The following ALG8 variants were observed in gnomAD, a reference collection of about 807,000 sequenced individuals.
ALG8 encodes ALG8 alpha-1,3-glucosyltransferase, also known as dolichyl pyrophosphate Glc1Man9GlcNAc2 alpha-1,3-glucosyltransferase.
ALG8 carries 48 observed loss-of-function variants against 70.2 expected under a neutral mutation model. That is an observed-to-expected ratio of 0.68 (90% CI 0.54 to 0.87). ALG8 has a LOEUF of 0.87. Among genes scored for constraint, ALG8 ranks in the 40% least tolerant of loss-of-function variants. The pLI, the probability that ALG8 is intolerant of heterozygous loss-of-function variation, is 0.00. For missense variants in ALG8, 572 were observed against 608.7 expected (o/e 0.94, Z 0.64); for synonymous variants, 234 against 229.0 (o/e 1.02, Z -0.20).
At chr11:78,126,400 C>T (rs970057758) in intron 2 of ALG8, among the ~76,000 whole-genome samples, 11 of 151,072 alleles carry the variant, frequency 7.3e-5, no homozygotes, top group Admixed American at 2.6e-4. Context: ...GGCATGGTGG[C>T]GGGCGCCTGT....
chr11:78,124,357 C>T, intron 2 of ALG8, 143 bp from the exon 3 acceptor site: 3 of 794,392 alleles, frequency 3.8e-6, no homozygotes, highest in Middle Eastern at 6.9e-4. Context: ...AACCCCAGCA[C>T]TTTGGGAGGA....
chr11:78,106,419 G>A (rs544154694), intron 10 of ALG8, among the ~76,000 whole-genome samples: 2 of 152,170 alleles, frequency 1.3e-5, no homozygotes, highest in South Asian at 2.1e-4. Context: ...GGATAGTCTC[G>A]ATCTCCTGAC....
At chr11:78,104,533 C>T (rs1859935190) in intron 10 of ALG8, 80 bp from the exon 11 acceptor site, 3 of 1,274,746 alleles carry the variant, frequency 2.4e-6, no homozygotes, top group African/African-American at 1.5e-5. Flanking sequence ...TCTCCTATTA[C>T]ATTAGAACTG....
chr11:78,113,906 A>T lies in ALG8; in HGVS notation c.757T>A (p.Leu253Met), dbSNP rs768148587. ...CTTACCAAGGCCAGGAAAGGACCCA[A>T]TGAAAGAGCAGAAACTAAGAAAACA... ...LVVFLVSALSLGPFLALNQLP... is the reference protein window; with the variant it reads ...LVVFLVSALSMGPFLALNQLP... Residue 253 changes from leucine to methionine, a missense_variant, in exon 7 of 13, where the codon TTG becomes ATG. Leu to Met is a conservative substitution (Grantham distance 15). Transcript: ENST00000299626. 1 of 1,601,944 alleles carries T rather than the reference A, an allele frequency of 6.2e-7. No individual in the cohort carries two copies. The highest frequency in any genetic ancestry group is 1.7e-5 in the Admixed American group (1 of 58,208).
chr11:78,117,662 TA>T (rs1860636602), intron 5 of ALG8, among the ~76,000 whole-genome samples: 1 of 151,126 alleles, frequency 6.6e-6, no homozygotes, highest in African/African-American at 2.4e-5. Context: ...CCTGTAATTC[TA>T]GCGACTCAGG....
At chr11:78,128,668 T>C (rs545574051) in intron 1 of ALG8, among the ~76,000 whole-genome samples, 20 of 150,938 alleles carry the variant, frequency 1.3e-4, no homozygotes, top group Non-Finnish European at 1.8e-4. Flanking sequence ...TGGAGTGCAG[T>C]AGTGCGATCT....
chr11:78,122,893 T>C (rs1860886504), intron 3 of ALG8, among the ~76,000 whole-genome samples: 1 of 152,156 alleles, frequency 6.6e-6, no homozygotes, highest in South Asian at 2.1e-4. Flanking sequence ...GACTCTTTAC[T>C]GAGTGGGGCA....
chr11:78,124,759 AATGAG>A (rs1252779570), intron 2 of ALG8, among the ~76,000 whole-genome samples: 1 of 152,338 alleles, frequency 6.6e-6, no homozygotes, highest in East Asian at 1.9e-4. Flanking sequence ...ATGAAGATTA[AATGAG>A]ATAATACATA....
chr11:78,127,243 C>T, intron 2 of ALG8, 115 bp downstream of exon 2: 2 of 945,486 alleles, frequency 2.1e-6, no homozygotes, highest in South Asian at 2.9e-5. Flanking sequence ...TCCCAAAGTG[C>T]TGGGATTACA....
chr11:78,121,535 A>G (rs1393844106), intron 3 of ALG8, among the ~76,000 whole-genome samples: 2 of 150,602 alleles, frequency 1.3e-5, no homozygotes, highest in East Asian at 3.9e-4. Flanking sequence ...CCTGGGCGAC[A>G]TAGTAAGACC....
chr11:78,130,361 A>AAAAAAAAAAAAAAAAAAAAAAG (rs928560857), intron 1 of ALG8, among the ~76,000 whole-genome samples: 1 of 132,636 alleles, frequency 7.5e-6, no homozygotes, highest in African/African-American at 3.2e-5. Context: ...AAAAAAAAAA[A>AAAAAAAAAAAAAAAAAAAAAAG]AAAAAAGGTG....
chr11:78,105,004 C>T (rs1236892967), intron 10 of ALG8, among the ~76,000 whole-genome samples: 2 of 151,692 alleles, frequency 1.3e-5, no homozygotes, highest in African/African-American at 2.4e-5. Flanking sequence ...TGAGTAATTG[C>T]CTTCTCCAAA....
intron 9 of ALG8, among the ~76,000 whole-genome samples, chr11:78,109,203 T>G (rs1421409751): frequency 1.3e-5 from 2 of 152,192 alleles, no homozygotes; most frequent in Middle Eastern, 3.4e-3. Context: ...TTCCCCCGGG[T>G]GAACAGATGG....
chr11:78,139,522 G>A lies in ALG8; in HGVS notation c.67C>T (p.Leu23Phe), dbSNP rs1247250286. 1 of 1,562,716 alleles carries A rather than the reference G, an allele frequency of 6.4e-7. No individual in the cohort carries two copies. Among genetic ancestry groups the A allele is most frequent in the South Asian group, 1.2e-5 (1 of 84,818 alleles). The change falls in exon 1 of 13, where the codon CTT becomes TTT. Residue 23 changes from leucine (L) to phenylalanine (F), a missense_variant. Coordinates refer to ENST00000299626, the MANE Select transcript of ALG8 (RefSeq NM_024079.5). ...WFSALALGVT[L>F]LKCLLIPTYH... Reference sequence around the variant, plus strand: ...GTGGGGATGAGAAGGCATTTGAGAAGAGTCACCCCGAGCGCCAAAGCCGAA... The same window carrying A: ...GTGGGGATGAGAAGGCATTTGAGAAAAGTCACCCCGAGCGCCAAAGCCGAA...
At chr11:78,131,456 T>TA (rs1225522225) in intron 1 of ALG8, among the ~76,000 whole-genome samples, 1 of 152,054 alleles carries the variant, frequency 6.6e-6, no homozygotes, top group Admixed American at 6.6e-5. Context: ...ACTTAAAAAT[T>TA]AGCTGGTGTG....
rs533704173 is a variant in ALG8 at position 78,113,978 on chromosome 11, G to A, written c.685C>T (p.Arg229Ter). 2.9e-5 allele frequency: 46 copies of A among 1,601,470 alleles called. No individual in the cohort carries two copies. Among genetic ancestry groups the A allele is most frequent in the Non-Finnish European group, 3.7e-5 (44 of 1,173,912 alleles). Residue 229 changes from arginine to a stop codon, truncating the protein, a stop_gained, in exon 7 of 13, where the codon CGA (arginine) becomes TGA (stop). Transcript: ENST00000299626. LOFTEE classifies it high-confidence loss of function. ...CGAACAAAGCTGAAACTCTTCCATC[G>A]AATAGACCCATCTACAGAAAAGGAA... is the stretch of plus-strand genomic sequence containing the variant. ...FTANKPDGSI[R>*]WKSFSFVRVI...
In ALG8 at chr11:78,138,539, C is replaced by G. The variant is rs142940894; in HGVS notation, c.95+955G>C. ...GGACTTACATTCTATACATATGACT[C>G]TCCCATATTCAACAAGAGATCACCA... On this transcript the variant is annotated intron_variant, in intron 1 of 12. Transcript: ENST00000299626. Among the ~76,000 whole-genome samples the G allele has an allele frequency of 8.9e-3, 1,357 of 152,134 alleles. 6 individuals carry two copies. The highest frequency in any genetic ancestry group is 0.014 in the Non-Finnish European group (923 of 68,008).
At chr11:78,128,526 T>C (rs1240118323) in intron 1 of ALG8, among the ~76,000 whole-genome samples, 2 of 152,162 alleles carry the variant, frequency 1.3e-5, no homozygotes, top group Non-Finnish European at 2.9e-5. Context: ...CTTGGTCCCC[T>C]TTTTACGCAA....
chr11:78,105,718 CT>C (rs71046955), intron 10 of ALG8, among the ~76,000 whole-genome samples: 52,738 of 133,888 alleles, frequency 0.39, 10,049 homozygotes, highest in Non-Finnish European at 0.47. Flanking sequence ...TTTTTTTTTT[CT>C]TTTTTTGAGA....
Sources: allele counts gnomAD v4.1 joint callset (sites outside exome capture counted in the v4.1 genomes callset), GRCh38; gene constraint gnomAD v4.1.1; transcripts MANE v1.5; gene names NCBI Gene and HGNC (gene_info 2026-07-23, HGNC 2026-07-21).